ST3GAL3: variants seen among roughly 807,000 people sequenced by gnomAD.
ST3GAL3 encodes the protein ST3 beta-galactoside alpha-2,3-sialyltransferase 3.
In ST3GAL3, 21 loss-of-function variants were observed where a neutral mutation model predicts 50.1. That is an observed-to-expected ratio of 0.42 (90% confidence interval 0.30 to 0.60). ST3GAL3 has a LOEUF of 0.60. ST3GAL3 is among the 20% of genes least tolerant of loss of function. The probability of loss-of-function intolerance (pLI) is 0.19; values close to 1 mark genes in which losing one functional copy is unlikely to be tolerated. For synonymous variants in ST3GAL3, 183 were observed against 190.0 expected, an observed-to-expected ratio of 0.96 and a Z score of 0.30; for missense variants, 353 against 489.4, an observed-to-expected ratio of 0.72 and a Z score of 2.63.
At chr1:43,817,961 C>T (rs1467530751) in intron 4 of ST3GAL3, among the ~76,000 whole-genome samples, 1 of 151,764 alleles carries the variant, frequency 6.6e-6, no homozygotes, top group African/African-American at 2.4e-5. Context: ...TCTTGAACTC[C>T]TGGGCTCAAG....
chr1:43,916,015 A>T (rs2154290765), intron 9 of ST3GAL3, among the ~76,000 whole-genome samples: 1 of 152,268 alleles, frequency 6.6e-6, no homozygotes, highest in Non-Finnish European at 1.5e-5. Flanking sequence ...GCTACTCAGG[A>T]GGCTGAGGCA....
chr1:43,779,634 C>G (rs900251945), intron 2 of ST3GAL3, among the ~76,000 whole-genome samples: 5 of 152,174 alleles, frequency 3.3e-5, no homozygotes, highest in Non-Finnish European at 7.3e-5. Context: ...ATTTAATACT[C>G]TGTCACACTC....
intron 3 of ST3GAL3, among the ~76,000 whole-genome samples, chr1:43,797,744 A>C (rs12401813): frequency 0.27 from 40,839 of 152,060 alleles, 6,232 homozygotes; most frequent in Middle Eastern, 0.35. Flanking sequence ...GGTCTAGTCA[A>C]TGTAATAAAG....
At chr1:43,735,977 C>T (rs776904515) in intron 1 of ST3GAL3, among the ~76,000 whole-genome samples, 1 of 152,094 alleles carries the variant, frequency 6.6e-6, no homozygotes, top group Non-Finnish European at 1.5e-5. Context: ...CTGGAATTGC[C>T]AGAACTAGTC....
intron 3 of ST3GAL3, among the ~76,000 whole-genome samples, chr1:43,809,918 G>C (rs961741593): frequency 6.6e-6 from 1 of 151,190 alleles, no homozygotes; most frequent in African/African-American, 2.4e-5. Context: ...TATTGAACCC[G>C]GGAGGTGGAG....
At chr1:43,879,201 A>C in intron 5 of ST3GAL3, 1 of 446,724 alleles carries the variant, frequency 2.2e-6, no homozygotes, top group Non-Finnish European at 4.5e-6. Context: ...CAGACTCAGA[A>C]AAAGGCTTGT....
intron 2 of ST3GAL3, among the ~76,000 whole-genome samples, chr1:43,747,561 ATTTTTTT>A (rs71579307): frequency 1.1e-5 from 1 of 90,616 alleles, no homozygotes; most frequent in Non-Finnish European, 2.1e-5. Context: ...TAGCTCAGGG[ATTTTTTT>A]TTTTTTTTTT....
intron 2 of ST3GAL3, among the ~76,000 whole-genome samples, chr1:43,786,018 T>A (rs1489433547): frequency 6.6e-6 from 1 of 151,830 alleles, no homozygotes; most frequent in African/African-American, 2.4e-5. Context: ...TTTTAAGCAT[T>A]TTTTTTTGGC....
At chr1:43,929,202 A>G (rs868605703) in intron 11 of ST3GAL3, among the ~76,000 whole-genome samples, 14 of 152,250 alleles carry the variant, frequency 9.2e-5, no homozygotes, top group Admixed American at 5.9e-4. Context: ...TAAGTAGGTG[A>G]GGTTGGCTTG....
At chr1:43,903,660 G>A (rs769536361) in intron 9 of ST3GAL3, among the ~76,000 whole-genome samples, 25 of 152,172 alleles carry the variant, frequency 1.6e-4, no homozygotes, top group Non-Finnish European at 2.9e-4. Context: ...TCAGTCCCTG[G>A]GAGGAGAGGG....
intron 2 of ST3GAL3, among the ~76,000 whole-genome samples, chr1:43,751,432 G>A (rs1037042604): frequency 6.6e-6 from 1 of 152,074 alleles, no homozygotes; most frequent in African/African-American, 2.4e-5. Context: ...TGTGCACATT[G>A]CATTGTTTAT....
chr1:43,881,711 C>T (rs1332666507), intron 5 of ST3GAL3, among the ~76,000 whole-genome samples: 4 of 152,076 alleles, frequency 2.6e-5, no homozygotes, highest in Non-Finnish European at 5.9e-5. Context: ...CATGTGGCTC[C>T]AGCTTGTCTG....
chr1:43,905,883 C>A (rs1207402367), intron 9 of ST3GAL3, among the ~76,000 whole-genome samples: 2 of 137,352 alleles, frequency 1.5e-5, no homozygotes, highest in African/African-American at 5.6e-5. Flanking sequence ...TGTTTCCTTT[C>A]CCGCCACTTT....
intron 11 of ST3GAL3, among the ~76,000 whole-genome samples, 196 bp downstream of exon 11, chr1:43,921,124 G>A (rs1310768713): frequency 6.6e-6 from 1 of 152,008 alleles, no homozygotes; most frequent in Non-Finnish European, 1.5e-5. Flanking sequence ...TCCTTCCAAG[G>A]GACTCTCCGT....
At chr1:43,885,299 C>T (rs1304653670) in intron 5 of ST3GAL3, among the ~76,000 whole-genome samples, 1 of 152,180 alleles carries the variant, frequency 6.6e-6, no homozygotes, top group Non-Finnish European at 1.5e-5. Context: ...GGGCCCAAAA[C>T]CCCCAAACTA....
chr1:43,837,925 C>G (rs143870669), intron 4 of ST3GAL3, among the ~76,000 whole-genome samples: 27 of 152,068 alleles, frequency 1.8e-4, no homozygotes, highest in African/African-American at 6.3e-4. Context: ...ACCCTTAAAG[C>G]CTTAATGTGG....
chr1:43,796,393 A>G (rs1005639284), intron 3 of ST3GAL3, among the ~76,000 whole-genome samples: 8 of 152,238 alleles, frequency 5.3e-5, no homozygotes, highest in African/African-American at 1.9e-4. Flanking sequence ...TAAGTTATTT[A>G]TGGACTTCAG....
chr1:43,743,734 A>T (rs1413835963), intron 2 of ST3GAL3: 2 of 216,932 alleles, frequency 9.2e-6, no homozygotes, highest in Non-Finnish European at 1.8e-5. Flanking sequence ...CTGCTACTTT[A>T]GTCCAGAACT....
At chr1:43,725,451 G>A (rs746888086) in intron 1 of ST3GAL3, among the ~76,000 whole-genome samples, 9 of 152,050 alleles carry the variant, frequency 5.9e-5, no homozygotes, top group East Asian at 1.9e-4. Flanking sequence ...CACCCACCTC[G>A]GCGTCTCAAA....
Sources: allele counts gnomAD v4.1 joint callset (sites outside exome capture counted in the v4.1 genomes callset), GRCh38; gene constraint gnomAD v4.1.1; transcripts MANE v1.5; gene names NCBI Gene and HGNC (gene_info 2026-07-23, HGNC 2026-07-21).